Variants in MNAT1 observed in about 807,000 individuals in gnomAD.
The protein encoded by MNAT1 is MNAT1 component of CDK activating kinase, also known as CDK-activating kinase assembly factor MAT1.
Under a neutral mutation model 42.0 loss-of-function variants are expected in MNAT1, and 43 were observed. The ratio of observed to expected loss-of-function variants is 1.02; its 90% CI spans 0.80 to 1.32. The LOEUF (loss-of-function observed/expected upper bound fraction) is 1.32. Among genes scored for constraint, MNAT1 ranks in the 40% most tolerant of loss-of-function variants. The pLI, the probability that MNAT1 is intolerant of heterozygous loss-of-function variation, is 0.00. For synonymous variants in MNAT1, 118 were observed against 120.0 expected (o/e 0.98, Z 0.11); for missense variants, 306 against 350.4 (o/e 0.87, Z 1.01).
intron 1 of MNAT1, among the ~76,000 whole-genome samples, chr14:60,759,241 A>G (rs2030494415): frequency 6.6e-6 from 1 of 152,168 alleles, no homozygotes; most frequent in Non-Finnish European, 1.5e-5. Context: ...CAAATTCCTT[A>G]GCTTATCATG....
chr14:60,759,636 T>TACCAATAA (rs1302371639), intron 1 of MNAT1, among the ~76,000 whole-genome samples: 1 of 152,216 alleles, frequency 6.6e-6, no homozygotes, highest in African/African-American at 2.4e-5. Flanking sequence ...ATAGAAGGTA[T>TACCAATAA]ACCAATAACC....
At chr14:60,865,693 A>C (rs1416689941) in intron 6 of MNAT1, among the ~76,000 whole-genome samples, 2 of 152,172 alleles carry the variant, frequency 1.3e-5, no homozygotes, top group East Asian at 3.8e-4. Context: ...CCAAGGAAAA[A>C]ATAAAACCTA....
intron 1 of MNAT1, chr14:60,753,704 A>T (rs1446463596): frequency 1.3e-5 from 2 of 152,214 alleles, no homozygotes; most frequent in African/African-American, 4.8e-5. Flanking sequence ...CTTTTGATGA[A>T]AGAAGTATAA....
At chr14:60,958,389 T>C (rs1471980867) in intron 7 of MNAT1, among the ~76,000 whole-genome samples, 2 of 152,178 alleles carry the variant, frequency 1.3e-5, no homozygotes, top group Non-Finnish European at 1.5e-5. Flanking sequence ...ATCAGTGGTC[T>C]TATTTAGCTT....
chr14:60,758,487 G>A (rs2030458736), intron 1 of MNAT1, among the ~76,000 whole-genome samples: 1 of 151,922 alleles, frequency 6.6e-6, no homozygotes, highest in African/African-American at 2.4e-5. Context: ...ACAGGTGTGA[G>A]CCACGTTGCC....
chr14:60,734,936 T>C lies in MNAT1; in HGVS notation c.74T>C (p.Val25Ala). The C allele has an allele frequency of 6.2e-7, 1 of 1,614,196 alleles. No individual in the cohort carries two copies. Among genetic ancestry groups the C allele is most frequent in the Non-Finnish European group, 8.5e-7 (1 of 1,180,018 alleles). Residue 25 changes from valine (V) to alanine (A), a missense_variant, in exon 1 of 8, where the codon GTG becomes GCG. Coordinates refer to ENST00000261245, the MANE Select transcript of MNAT1 (RefSeq NM_002431.4). The surrounding 1 kb of genome is among the most constrained non-coding windows in gnomAD (Gnocchi z 4.3). ...CCCTCCTTGAAGCTGATGGTGAATG[T>C]GTGCGGACACACTCTGTGAGTTGGG... ...RNPSLKLMVN[V>A]CGHTLCESCV...
intron 7 of MNAT1, among the ~76,000 whole-genome samples, chr14:60,945,675 A>G (rs1416063493): frequency 5.3e-5 from 8 of 152,226 alleles, no homozygotes; most frequent in Non-Finnish European, 7.3e-5. Context: ...AATATATAAC[A>G]TTTGAATACA....
intron 6 of MNAT1, among the ~76,000 whole-genome samples, chr14:60,821,950 G>A (rs2032902097): frequency 6.6e-6 from 1 of 152,080 alleles, no homozygotes; most frequent in African/African-American, 2.4e-5. Flanking sequence ...GCAATGTACA[G>A]CCAAAATAAA....
intron 6 of MNAT1, among the ~76,000 whole-genome samples, chr14:60,857,426 G>C (rs2139427712): frequency 6.6e-6 from 1 of 152,282 alleles, no homozygotes; most frequent in East Asian, 1.9e-4. Flanking sequence ...GATAAAACTT[G>C]AATGGATGAG....
At chr14:60,851,507 A>G (rs1010903043) in intron 6 of MNAT1, among the ~76,000 whole-genome samples, 6 of 152,012 alleles carry the variant, frequency 3.9e-5, no homozygotes, top group South Asian at 4.2e-4. Context: ...AATTCTCACA[A>G]TATTTCCAAC....
intron 6 of MNAT1, among the ~76,000 whole-genome samples, chr14:60,834,459 T>C (rs2033318153): frequency 6.6e-6 from 1 of 152,210 alleles, no homozygotes; most frequent in Non-Finnish European, 1.5e-5. Flanking sequence ...TCCATGTAGT[T>C]TGGCAGTTTT....
intron 1 of MNAT1, among the ~76,000 whole-genome samples, chr14:60,769,337 A>G (rs2030963069): frequency 6.6e-6 from 1 of 152,144 alleles, no homozygotes. Flanking sequence ...CAGTGGGACA[A>G]CATAACTCAC....
At chr14:60,907,149 G>C (rs1486202761) in intron 7 of MNAT1, among the ~76,000 whole-genome samples, 3 of 152,142 alleles carry the variant, frequency 2.0e-5, no homozygotes, top group Non-Finnish European at 2.9e-5. Context: ...TGATTATAAA[G>C]ATGAAGAAAC....
intron 1 of MNAT1, among the ~76,000 whole-genome samples, chr14:60,737,859 T>A (rs1398489307): frequency 6.6e-6 from 1 of 151,636 alleles, no homozygotes; most frequent in East Asian, 1.9e-4. Flanking sequence ...TCCTTTTTTT[T>A]TTTTTTTGAG....
chr14:60,863,867 A>G (rs183900402), intron 6 of MNAT1, among the ~76,000 whole-genome samples: 192 of 152,208 alleles, frequency 1.3e-3, no homozygotes, highest in African/African-American at 4.5e-3. Flanking sequence ...ATTGATTAGT[A>G]TAGTCAGCTT....
chr14:60,923,621 T>C (rs1280916766), intron 7 of MNAT1, among the ~76,000 whole-genome samples: 1 of 152,212 alleles, frequency 6.6e-6, no homozygotes, highest in Non-Finnish European at 1.5e-5. Flanking sequence ...TTTTTATAAA[T>C]AGAATCTTGC....
intron 6 of MNAT1, among the ~76,000 whole-genome samples, chr14:60,835,094 A>G (rs1454717387): frequency 6.8e-6 from 1 of 146,916 alleles, no homozygotes; most frequent in South Asian, 2.1e-4. Context: ...TTTGCTTTCC[A>G]TTTGCTTGGT....
chr14:60,916,233 C>T (rs2035509034), intron 7 of MNAT1, among the ~76,000 whole-genome samples: 1 of 152,134 alleles, frequency 6.6e-6, no homozygotes, highest in Non-Finnish European at 1.5e-5. Flanking sequence ...TCATCTTAAC[C>T]CTCAACTTTA....
At chr14:60,840,669 AT>A (rs1001210529) in intron 6 of MNAT1, among the ~76,000 whole-genome samples, 3 of 150,224 alleles carry the variant, frequency 2.0e-5, no homozygotes, top group African/African-American at 4.9e-5. Flanking sequence ...TTTTATTAAG[AT>A]TTTTTTTTTG....
Sources: allele counts gnomAD v4.1 joint callset (sites outside exome capture counted in the v4.1 genomes callset), GRCh38; gene constraint gnomAD v4.1.1; non-coding constraint Gnocchi (gnomAD v3.1); transcripts MANE v1.5; gene names NCBI Gene and HGNC (gene_info 2026-07-23, HGNC 2026-07-21).